Variants in GBF1 observed in about 807,000 individuals in gnomAD.
GBF1 encodes golgi brefeldin A resistant guanine nucleotide exchange factor 1.
Under a neutral mutation model 210.5 loss-of-function variants are expected in GBF1, and 114 were observed. That is an observed-to-expected ratio of 0.54 (90% CI 0.47 to 0.63). The LOEUF (loss-of-function observed/expected upper bound fraction) is 0.63, where lower values mean the gene tolerates loss of function less well. Ranked by LOEUF, GBF1 falls within the 30% of genes least tolerant of loss-of-function variation. The pLI is 0.00. For missense variants in GBF1, 1,851 were observed against 2,357.7 expected, an observed-to-expected ratio of 0.79 and a Z score of 4.45; for synonymous variants, 850 against 889.2, an observed-to-expected ratio of 0.96 and a Z score of 0.78.
At chr10:102,256,623 G>A (rs1004380842) in intron 1 of GBF1, among the ~76,000 whole-genome samples, 1 of 150,936 alleles carries the variant, frequency 6.6e-6, no homozygotes, top group African/African-American at 2.4e-5. Flanking sequence ...AGGTTCCAGC[G>A]ATTCTTCTGC....
chr10:102,316,984 T>G (rs2078987932), intron 3 of GBF1, among the ~76,000 whole-genome samples: 1 of 152,218 alleles, frequency 6.6e-6, no homozygotes, highest in Non-Finnish European at 1.5e-5. Context: ...CTAAACATCA[T>G]TTTTAGCTAT....
At chr10:102,326,824 C>T (rs1158958018) in intron 3 of GBF1, among the ~76,000 whole-genome samples, 1 of 152,086 alleles carries the variant, frequency 6.6e-6, no homozygotes, top group Non-Finnish European at 1.5e-5. Flanking sequence ...GGAATTTATC[C>T]ATGTTGCATA....
chr10:102,308,389 G>C (rs2078110070), intron 3 of GBF1, among the ~76,000 whole-genome samples: 1 of 152,080 alleles, frequency 6.6e-6, no homozygotes, highest in Non-Finnish European at 1.5e-5. Context: ...ATACCCAAAA[G>C]ACTATAAATC....
At chr10:102,375,744 A>G (rs2060458091) in intron 30 of GBF1, among the ~76,000 whole-genome samples, 160 bp downstream of exon 30, 1 of 152,058 alleles carries the variant, frequency 6.6e-6, no homozygotes, top group South Asian at 2.1e-4. Context: ...GCTAGTACCC[A>G]TAAGTTAAAT....
At chr10:102,260,151 G>A (rs2073004213) in intron 3 of GBF1, 35 bp downstream of exon 3, 1 of 1,069,474 alleles carries the variant, frequency 9.4e-7, no homozygotes. Context: ...TACTAATCTT[G>A]GTAAAAAATA....
chr10:102,369,180 G>T, intron 23 of GBF1, 31 bp from the exon 24 acceptor site: 1 of 1,536,910 alleles, frequency 6.5e-7, no homozygotes. Flanking sequence ...CATTAGCTCG[G>T]CCTTAAGTCT....
chr10:102,358,464 C>A, intron 9 of GBF1, 42 bp from the exon 10 acceptor site: 2 of 1,409,006 alleles, frequency 1.4e-6, no homozygotes, highest in Non-Finnish European at 2.0e-6. Context: ...TTGCCCACAG[C>A]CTCTTTCTTC....
intron 3 of GBF1, among the ~76,000 whole-genome samples, chr10:102,291,288 C>T (rs1240397868): frequency 6.6e-6 from 1 of 152,088 alleles, no homozygotes; most frequent in East Asian, 1.9e-4. Flanking sequence ...CAGAGAAGTG[C>T]ATCAACTAGT....
chr10:102,308,448 C>G (rs984804168), intron 3 of GBF1, among the ~76,000 whole-genome samples: 2 of 152,070 alleles, frequency 1.3e-5, no homozygotes, highest in Non-Finnish European at 2.9e-5. Flanking sequence ...CGGCACTATT[C>G]CCAATAGCAA....
chr10:102,261,766 C>T (rs1254870121), intron 3 of GBF1, among the ~76,000 whole-genome samples: 1 of 151,838 alleles, frequency 6.6e-6, no homozygotes, highest in African/African-American at 2.4e-5. Flanking sequence ...GGATTACAGA[C>T]GTGCACCACC....
At chr10:102,283,561 G>A (rs914933465) in intron 3 of GBF1, among the ~76,000 whole-genome samples, 7 of 152,300 alleles carry the variant, frequency 4.6e-5, no homozygotes, top group African/African-American at 1.7e-4. Context: ...GAGGCTGGGA[G>A]GTTGTTGATG....
In GBF1 at chr10:102,285,738, A is replaced by G. The variant is rs2075877003; in HGVS notation, c.163+25622A>G. Among the ~76,000 whole-genome samples the G allele has an allele frequency of 2.0e-5, 3 of 152,152 alleles. No homozygotes were observed. The South Asian group carries it at 6.2e-4, about 32-fold the overall frequency. On this transcript the variant is annotated intron_variant, in intron 3 of 39. Transcript: ENST00000369983. ...AATTAGTTTCTTCTTGTGAAAGGAG[A>G]AAACTGGTACAGAAATCTAGGACGC...
intron 4 of GBF1, among the ~76,000 whole-genome samples, chr10:102,347,985 G>A (rs1191522354): frequency 6.6e-6 from 1 of 152,130 alleles, no homozygotes; most frequent in African/African-American, 2.4e-5. Context: ...TGCCCAGGTT[G>A]GAGTGCACTG....
intron 3 of GBF1, among the ~76,000 whole-genome samples, chr10:102,262,221 T>C (rs1395652324): frequency 2.6e-5 from 4 of 152,204 alleles, no homozygotes. Flanking sequence ...GGATCAAGTA[T>C]AGAGGAGGCA....
chr10:102,357,745 C>T (rs1357328776), intron 8 of GBF1, among the ~76,000 whole-genome samples: 1 of 152,134 alleles, frequency 6.6e-6, no homozygotes, highest in African/African-American at 2.4e-5. Flanking sequence ...CTTAATGTAA[C>T]ACTCAGGACC....
chr10:102,370,858 C>T lies in GBF1; in HGVS notation c.3658C>T (p.Gln1220Ter). ...TCTCCGGAGAGAAGAGATCAGTGCT[C>T]AGGTAAGCAGAATGCATCTTGGAGA... ...RLLRREEISAQVLLSLRILLL... is the reference protein window; with the variant it reads ...RLLRREEISA The change falls in exon 29 of 40, where the codon CAG (glutamine) becomes TAG (stop). Residue 1220 changes from glutamine to a stop codon, truncating the protein, a stop_gained and splice_region_variant. Coordinates refer to ENST00000369983, the MANE Select transcript of GBF1 (RefSeq NM_001377137.1). LOFTEE classifies it high-confidence loss of function. 1 of 1,613,926 alleles carries T rather than the reference C, an allele frequency of 6.2e-7. No individual in the cohort carries two copies. Among genetic ancestry groups the T allele is most frequent in the East Asian group, 2.2e-5 (1 of 44,892 alleles).
chr10:102,233,547 G>T, the GBF1 span, among the ~76,000 whole-genome samples: 1 of 152,004 alleles, frequency 6.6e-6, no homozygotes, highest in Non-Finnish European at 1.5e-5. Flanking sequence ...CAGGTGATCT[G>T]CCTGCCTCGG....
chr10:102,303,464 A>G (rs1017163486), intron 3 of GBF1, among the ~76,000 whole-genome samples: 13 of 152,148 alleles, frequency 8.5e-5, no homozygotes, highest in African/African-American at 2.9e-4. Flanking sequence ...GTCTGTACCT[A>G]TTTCTCCTAG....
At chr10:102,272,105 A>G (rs867760663) in intron 3 of GBF1, among the ~76,000 whole-genome samples, 18 of 136,100 alleles carry the variant, frequency 1.3e-4, no homozygotes, top group Middle Eastern at 7.6e-3. Context: ...TTGTCCTGCA[A>G]TTGTTGATTT....
Sources: allele counts gnomAD v4.1 joint callset (sites outside exome capture counted in the v4.1 genomes callset), GRCh38; gene constraint gnomAD v4.1.1; transcripts MANE v1.5; gene names NCBI Gene and HGNC (gene_info 2026-07-23, HGNC 2026-07-21).